EYS: variants seen among roughly 807,000 people sequenced by gnomAD.
EYS encodes protein eyes shut homolog.
EYS carries 250 observed loss-of-function variants against 282.1 expected under a neutral mutation model. The observed-to-expected ratio is 0.89, with a 90% confidence interval of 0.80 to 0.98. The LOEUF (loss-of-function observed/expected upper bound fraction) is 0.98. Ranked by LOEUF, EYS falls within the 50% of genes least tolerant of loss-of-function variation. The pLI, the probability that EYS is intolerant of heterozygous loss-of-function variation, is 0.00. For missense variants in EYS, 4,016 were observed against 3,709.0 expected (o/e 1.08, Z -2.15); for synonymous variants, 1,355 against 1,282.9 (o/e 1.06, Z -1.20).
intron 5 of EYS, among the ~76,000 whole-genome samples, chr6:65,461,427 C>T (rs750469679): frequency 1.3e-5 from 2 of 152,102 alleles, no homozygotes; most frequent in East Asian, 3.9e-4. Flanking sequence ...AACTCATCGA[C>T]TTCCAGTTAT....
intron 33 of EYS, among the ~76,000 whole-genome samples, chr6:64,012,006 CCT>C (rs1768659378): frequency 6.7e-6 from 1 of 150,246 alleles, no homozygotes; most frequent in Admixed American, 6.6e-5. Flanking sequence ...CCTCTCCTCT[CCT>C]CTCCTCTCCT....
intron 12 of EYS, among the ~76,000 whole-genome samples, chr6:65,109,036 C>T (rs1426469551): frequency 6.6e-5 from 10 of 151,842 alleles, no homozygotes; most frequent in Admixed American, 6.6e-4. Context: ...AGCTCTAGAA[C>T]GTCTTTCTCC....
chr6:65,439,784 G>T (rs1198780469), intron 5 of EYS, among the ~76,000 whole-genome samples: 1 of 152,064 alleles, frequency 6.6e-6, no homozygotes, highest in African/African-American at 2.4e-5. Flanking sequence ...CCCCAATCAT[G>T]CCCAGTTCTC....
At chr6:65,700,205 G>A (rs1363855283) in intron 1 of EYS, among the ~76,000 whole-genome samples, 1 of 150,542 alleles carries the variant, frequency 6.6e-6, no homozygotes, top group Non-Finnish European at 1.5e-5. Flanking sequence ...CTTTTGGAGA[G>A]ATCATAGCTG....
intron 13 of EYS, among the ~76,000 whole-genome samples, chr6:65,049,625 T>C (rs1160094022): frequency 2.0e-5 from 3 of 151,670 alleles, no homozygotes; most frequent in Admixed American, 6.6e-5. Flanking sequence ...TAGAAAACAA[T>C]AGCGTTGTTA....
intron 22 of EYS, among the ~76,000 whole-genome samples, chr6:64,769,734 A>G (rs985750847): frequency 6.6e-6 from 1 of 152,016 alleles, no homozygotes; most frequent in African/African-American, 2.4e-5. Context: ...GAGATGAAAA[A>G]CTGAGGTAGG....
intron 24 of EYS, among the ~76,000 whole-genome samples, chr6:64,605,997 T>C (rs1044223542): frequency 1.3e-5 from 2 of 152,030 alleles, no homozygotes; most frequent in Non-Finnish European, 2.9e-5. Context: ...TTGGAAATAA[T>C]GTCCTCATTC....
At chr6:65,395,510 C>A (rs779328397) in intron 7 of EYS, among the ~76,000 whole-genome samples, 27 of 152,112 alleles carry the variant, frequency 1.8e-4, no homozygotes, top group South Asian at 8.3e-4. Context: ...TGTCACCTTG[C>A]ACAGTTATCA....
chr6:65,358,470 G>C (rs1764577635), intron 8 of EYS, among the ~76,000 whole-genome samples: 1 of 151,866 alleles, frequency 6.6e-6, no homozygotes, highest in African/African-American at 2.4e-5. Context: ...AAACTGGGAT[G>C]GTTTCTTTTC....
At chr6:64,629,973 C>T (rs1767727884) in intron 22 of EYS, among the ~76,000 whole-genome samples, 1 of 152,120 alleles carries the variant, frequency 6.6e-6, no homozygotes, top group African/African-American at 2.4e-5. Context: ...TTGCCTGTAT[C>T]AAATCTGAAG....
At chr6:64,426,843 A>T (rs1377374755) in intron 28 of EYS, among the ~76,000 whole-genome samples, 1 of 152,202 alleles carries the variant, frequency 6.6e-6, no homozygotes, top group Non-Finnish European at 1.5e-5. Flanking sequence ...AGCTATGCTG[A>T]ACTCTGACTT....
At chr6:64,436,662 A>G (rs1226531283) in intron 27 of EYS, among the ~76,000 whole-genome samples, 37 of 151,880 alleles carry the variant, frequency 2.4e-4, no homozygotes, top group Admixed American at 2.4e-3. Flanking sequence ...TATTAATGTC[A>G]CAGGAAGGCA....
At chr6:65,010,994 G>C (rs923553090) in intron 13 of EYS, among the ~76,000 whole-genome samples, 1 of 152,168 alleles carries the variant, frequency 6.6e-6, no homozygotes, top group Non-Finnish European at 1.5e-5. Context: ...CACAAGGCAG[G>C]ACCCTCCATT....
At chr6:64,191,730 G>T (rs1306577381) in intron 31 of EYS, among the ~76,000 whole-genome samples, 1 of 151,720 alleles carries the variant, frequency 6.6e-6, no homozygotes. Context: ...GTCTATCATT[G>T]TTGGACATTT....
At chr6:64,255,387 G>T (rs948003784) in intron 30 of EYS, among the ~76,000 whole-genome samples, 1 of 151,908 alleles carries the variant, frequency 6.6e-6, no homozygotes, top group Non-Finnish European at 1.5e-5. Context: ...CCTAGGTCTA[G>T]TTTTCTCTTT....
At chr6:64,548,378 C>T (rs562318078) in intron 26 of EYS, among the ~76,000 whole-genome samples, 7 of 152,184 alleles carry the variant, frequency 4.6e-5, no homozygotes, top group South Asian at 4.2e-4. Flanking sequence ...CACATGAAAA[C>T]GTATGTTTAT....
At chr6:65,515,508 A>C (rs1191209809) in intron 2 of EYS, among the ~76,000 whole-genome samples, 1 of 151,572 alleles carries the variant, frequency 6.6e-6, no homozygotes, top group Non-Finnish European at 1.5e-5. Flanking sequence ...TTATTGCGGC[A>C]CTATTCACAA....
At chr6:64,191,485 C>G (rs1268955007) in intron 31 of EYS, among the ~76,000 whole-genome samples, 6 of 147,442 alleles carry the variant, frequency 4.1e-5, no homozygotes, top group Non-Finnish European at 9.0e-5. Context: ...CTTCCCCCCC[C>G]ACCCCAAAAC....
At chr6:64,220,600 C>T (rs1489207583) in intron 31 of EYS, among the ~76,000 whole-genome samples, 1 of 152,096 alleles carries the variant, frequency 6.6e-6, no homozygotes, top group Non-Finnish European at 1.5e-5. Flanking sequence ...CTACAATGTT[C>T]ATTCAAAATC....
Sources: allele counts gnomAD v4.1 joint callset (sites outside exome capture counted in the v4.1 genomes callset), GRCh38; gene constraint gnomAD v4.1.1; transcripts MANE v1.5; gene names NCBI Gene and HGNC (gene_info 2026-07-23, HGNC 2026-07-21).